The following VASH1 variants were observed in gnomAD, a reference collection of about 807,000 sequenced individuals.
VASH1 encodes the protein tubulinyl-Tyr carboxypeptidase 1.
Under a neutral mutation model 35.0 loss-of-function variants are expected in VASH1, and 16 were observed. That is an observed-to-expected ratio of 0.46 (90% CI 0.31 to 0.70). The LOEUF is 0.70. Among genes scored for constraint, VASH1 ranks in the 30% least tolerant of loss-of-function variants. VASH1 has a pLI of 0.05. For synonymous variants in VASH1, 214 were observed against 200.9 expected, an observed-to-expected ratio of 1.07 and a Z score of -0.55; for missense variants, 505 against 510.7, an observed-to-expected ratio of 0.99 and a Z score of 0.11.
chr14:76,774,473 T>A (rs1595275753), intron 4 of VASH1: 1 of 152,214 alleles, frequency 6.6e-6, no homozygotes, highest in Non-Finnish European at 1.5e-5. Flanking sequence ...GAGAGACTGG[T>A]CCTTTTCCCC....
Position 76,762,825 on chromosome 14 carries a change from C to T in VASH1, c.4C>T (p.Pro2Ser), listed in dbSNP as rs867108481. 1.3e-6 allele frequency: 2 copies of T among 1,488,462 alleles called. No individual in the cohort carries two copies. The highest frequency in any genetic ancestry group is 2.4e-5 in the Admixed American group (1 of 41,576). The allele number at this position is 1,488,462 out of a possible 1,614,324, so 92.2% of individuals were successfully genotyped here. A position where few individuals can be genotyped will look rare whatever the true frequency, so the allele number is the denominator to read the frequency against. Residue 2 changes from proline (P) to serine (S), a missense_variant, in exon 1 of 7, where the codon CCA (proline) becomes TCA (serine). Pro to Ser is a moderately conservative substitution (Grantham distance 74). Coordinates refer to ENST00000167106, the MANE Select transcript of VASH1 (RefSeq NM_014909.5). Reference sequence around the variant, plus strand: ...CACCCCCCTCGAAGATTTAGGGATGCCAGGGGGGAAGAAGGTGGCTGGGGG... The same window carrying T: ...CACCCCCCTCGAAGATTTAGGGATGTCAGGGGGGAAGAAGGTGGCTGGGGG... Reference protein sequence around the residue: MPGGKKVAGGGS... With the variant: MSGGKKVAGGGS...
In VASH1 at chr14:76,762,803, C is replaced by G. The variant is rs897643359; in HGVS notation, c.-19C>G. 3 of 1,453,068 alleles carry G rather than the reference C, an allele frequency of 2.1e-6. No individual in the cohort carries two copies. Among genetic ancestry groups the G allele is most frequent in the African/African-American group, 2.8e-5 (2 of 70,756 alleles). 90.0% of individuals were successfully genotyped at this position (1,453,068 alleles called of 1,614,324 possible). ...CCAGTTGTTTTCCCGCCTCCACCAC[C>G]CCCCTCGAAGATTTAGGGATGCCAG... On this transcript the variant is annotated 5_prime_UTR_variant, in exon 1 of 7. Coordinates refer to ENST00000167106, the MANE Select transcript of VASH1 (RefSeq NM_014909.5).
chr14:76,763,187 G>A (rs967994839), intron 1 of VASH1, 57 bp downstream of exon 1: 6 of 1,369,126 alleles, frequency 4.4e-6, no homozygotes, highest in Non-Finnish European at 5.7e-6. Flanking sequence ...TGACCTTGGG[G>A]CCAAGAGTGA....
Position 76,762,637 on chromosome 14 carries a change from C to T in VASH1, c.-185C>T. 2.1e-6 allele frequency: 1 copy of T among 467,754 alleles called. No homozygotes were observed. Among genetic ancestry groups the T allele is most frequent in the East Asian group, 3.5e-5 (1 of 28,518 alleles). 29.0% of individuals were successfully genotyped at this position (467,754 alleles called of 1,614,324 possible). ...ACCCCAGACAACCCACCCCCTCGGACCCTAATTCACCTTATTGCACTGATT... is the reference window on the plus strand; with the variant it reads ...ACCCCAGACAACCCACCCCCTCGGATCCTAATTCACCTTATTGCACTGATT... On this transcript the variant is annotated 5_prime_UTR_variant, in exon 1 of 7. Coordinates refer to ENST00000167106, the MANE Select transcript of VASH1 (RefSeq NM_014909.5).
chr14:76,761,612 T>TCCTCGTTGGCGGGCG lies in VASH1; in HGVS notation c.-1208_-1207insTCGTTGGCGGGCGCC, dbSNP rs1893507038. 1.3e-5 allele frequency among the ~76,000 whole-genome samples: 2 copies of TCCTCGTTGGCGGGCG among 151,862 alleles called. No homozygotes were observed. Among genetic ancestry groups the TCCTCGTTGGCGGGCG allele is most frequent in the Admixed American group, 6.6e-5 (1 of 15,252 alleles). Reference sequence around the variant, plus strand: ...GCTGGTGGGCTTCTCGTTGGCGGGCTCCGCGTTGGCGGGCTGCTCCCCAGG... The same window carrying TCCTCGTTGGCGGGCG: ...GCTGGTGGGCTTCTCGTTGGCGGGCTCCTCGTTGGCGGGCGCCGCGTTGGCGGGCTGCTCCCCAGG... On this transcript the variant is annotated 5_prime_UTR_variant, in exon 1 of 7. Transcript: ENST00000167106.
chr14:76,767,630 C>T (rs926993602), intron 1 of VASH1, among the ~76,000 whole-genome samples: 2 of 152,146 alleles, frequency 1.3e-5, no homozygotes, highest in Non-Finnish European at 2.9e-5. Context: ...ACTCCTGTTT[C>T]GGAGGTGGGG....
intron 1 of VASH1, among the ~76,000 whole-genome samples, chr14:76,765,154 T>G (rs1476695072): frequency 2.0e-5 from 3 of 151,520 alleles, no homozygotes; most frequent in Admixed American, 2.0e-4. Flanking sequence ...CATAAAAGAG[T>G]GTGAATGGTT....
intron 1 of VASH1, among the ~76,000 whole-genome samples, chr14:76,766,547 C>T (rs1893647223): frequency 6.6e-6 from 1 of 152,196 alleles, no homozygotes; most frequent in South Asian, 2.1e-4. Context: ...CTCAAGTGAT[C>T]CTCCCACCTC....
chr14:76,773,524 T>C (rs1893849365), intron 4 of VASH1: 2 of 433,466 alleles, frequency 4.6e-6, no homozygotes, highest in East Asian at 6.7e-5. Context: ...ACAAAGACAG[T>C]TGTACCATTT....
intron 1 of VASH1, among the ~76,000 whole-genome samples, chr14:76,764,059 G>A (rs1288100684): frequency 1.3e-5 from 2 of 151,990 alleles, no homozygotes; most frequent in Admixed American, 6.6e-5. Context: ...CAAATGCAGA[G>A]GCCTGAAATC....
At chr14:76,769,498 C>T (rs1893732917) in intron 1 of VASH1, 3 of 1,288,152 alleles carry the variant, frequency 2.3e-6, no homozygotes, top group Non-Finnish European at 3.0e-6. Context: ...AGGATGCTCA[C>T]CCCCCTCAGG....
At chr14:76,773,325 T>A in intron 4 of VASH1, 114 bp downstream of exon 4, 1 of 1,070,536 alleles carries the variant, frequency 9.3e-7, no homozygotes. Flanking sequence ...CCATATGCAG[T>A]CATCTGCTTG....
chr14:76,773,032 C>A, intron 3 of VASH1, 105 bp from the exon 4 acceptor site: 1 of 1,106,838 alleles, frequency 9.0e-7, no homozygotes, highest in Non-Finnish European at 1.3e-6. Context: ...TAGGGGGCAG[C>A]CTCTGTCCTT....
rs1239241280 is a variant in VASH1 at position 76,779,472 on chromosome 14, G to A, written c.*454G>A. On this transcript the variant is annotated 3_prime_UTR_variant, in exon 7 of 7. Coordinates refer to ENST00000167106, the MANE Select transcript of VASH1 (RefSeq NM_014909.5). ...TGATGGGGGGTGGGGGTGGGGTGGA[G>A]ATGTTTCTCCAGTTCTGCCTGCCCT... 1.4e-6 allele frequency: 1 copy of A among 701,994 alleles called. No homozygotes were observed. The highest frequency in any genetic ancestry group is 1.7e-5 in the African/African-American group (1 of 57,196). The allele number at this position is 701,994 out of a possible 1,614,324, so 43.5% of individuals were successfully genotyped here.
chr14:76,771,324 G>A, intron 3 of VASH1, 78 bp downstream of exon 3: 1 of 1,352,232 alleles, frequency 7.4e-7, no homozygotes, highest in Non-Finnish European at 9.8e-7. Flanking sequence ...ACCTTGGAGA[G>A]GAAGTTTATG....
Position 76,776,051 on chromosome 14 carries a change from G to T in VASH1, c.690G>T (p.Pro230=), listed in dbSNP as rs758050511. 6.2e-7 allele frequency: 1 copy of T among 1,610,516 alleles called. No homozygotes were observed. The highest frequency in any genetic ancestry group is 1.1e-5 in the South Asian group (1 of 90,744). The change falls in exon 5 of 7, where the codon CCG becomes CCT. Residue 230 remains proline (P), a synonymous_variant. Coordinates refer to ENST00000167106, the MANE Select transcript of VASH1 (RefSeq NM_014909.5). ...MSRREDLMYK[P]PAFRTLSELV... The stretch of plus-strand genomic sequence containing the variant: ...GGCGCGAGGACCTGATGTACAAGCC[G>T]CCCGCCTTCCGCACGCTCAGCGAGC...
rs1893518523 is a variant in VASH1 at position 76,762,095 on chromosome 14, G to A, written c.-727G>A. ...TCTGGGGACTCCGCCGCTGTTTCTGGGGACGAGGGGACAGGGGACCCAGAC... is the reference window on the plus strand; with the variant it reads ...TCTGGGGACTCCGCCGCTGTTTCTGAGGACGAGGGGACAGGGGACCCAGAC... On this transcript the variant is annotated 5_prime_UTR_variant, in exon 1 of 7. Transcript: ENST00000167106. 6.6e-6 allele frequency: 1 copy of A among 152,326 alleles called. No individual in the cohort carries two copies. Among genetic ancestry groups the A allele is most frequent in the Non-Finnish European group, 1.5e-5 (1 of 68,152 alleles). The allele number at this position is 152,326 out of a possible 1,614,324, so 9.4% of individuals were successfully genotyped here. A position where few individuals can be genotyped will look rare whatever the true frequency, so the allele number is the denominator to read the frequency against.
chr14:76,780,993 G>A lies in VASH1; in HGVS notation c.*1975G>A, dbSNP rs559887851. 7 of 152,354 alleles carry A rather than the reference G, an allele frequency of 4.6e-5. No homozygotes were observed. Among genetic ancestry groups the A allele is most frequent in the Non-Finnish European group, 1.0e-4 (7 of 68,174 alleles). The allele number at this position is 152,354 out of a possible 1,614,324, so 9.4% of individuals were successfully genotyped here. A position where few individuals can be genotyped will look rare whatever the true frequency, so the allele number is the denominator to read the frequency against. ...CCTTTGCAGTTGCTGGGTCACCAGC[G>A]GGGGTGGCGCATGGAGTACAGACAG... is the stretch of plus-strand genomic sequence containing the variant. On this transcript the variant is annotated 3_prime_UTR_variant, in exon 7 of 7. Coordinates refer to ENST00000167106, the MANE Select transcript of VASH1 (RefSeq NM_014909.5).
chr14:76,774,820 A>C (rs909074523), intron 4 of VASH1: 2 of 152,334 alleles, frequency 1.3e-5, no homozygotes, highest in Admixed American at 6.5e-5. Context: ...CTTTGGGGTC[A>C]GGTTGACCTG....
Sources: gnomAD v4.1 joint callset for allele counts (sites outside exome capture counted in the v4.1 genomes callset) on GRCh38, gnomAD v4.1.1 for gene constraint, MANE v1.5 for transcripts, NCBI Gene and HGNC (gene_info 2026-07-23, HGNC 2026-07-21) for gene names.